The following ADAMTS12 variants were observed in gnomAD, a reference collection of about 807,000 sequenced individuals.
ADAMTS12 encodes the protein A disintegrin and metalloproteinase with thrombospondin motifs 12.
A neutral mutation model predicts 167.8 loss-of-function variants in ADAMTS12; 118 were observed. The ratio of observed to expected loss-of-function variants is 0.70; its 90% CI spans 0.61 to 0.82. The LOEUF is 0.82. ADAMTS12 is among the 40% of genes least tolerant of loss of function. ADAMTS12 has a pLI of 0.00. For synonymous variants in ADAMTS12, 704 were observed against 716.9 expected, an observed-to-expected ratio of 0.98 and a Z score of 0.29; for missense variants, 1,916 against 1,998.8, an observed-to-expected ratio of 0.96 and a Z score of 0.79.
intron 19 of ADAMTS12, among the ~76,000 whole-genome samples, chr5:33,564,016 G>A (rs537229690): frequency 6.6e-6 from 1 of 152,338 alleles, no homozygotes; most frequent in South Asian, 2.1e-4. Flanking sequence ...TACAGTGTTA[G>A]CTCAGCTTTT....
Position 33,885,089 on chromosome 5 carries a change from G to A in ADAMTS12, c.128-3609C>T, listed in dbSNP as rs550385089. 2.6e-3 allele frequency among the ~76,000 whole-genome samples: 393 copies of A among 152,246 alleles called. 1 individual carries two copies. The highest frequency in any genetic ancestry group is 6.6e-3 in the African/African-American group (276 of 41,528). ...AAACAACTATAATAAAATTTAGGTT[G>A]TCATGAAACAGAAACCAACAAGTGT... On this transcript the variant is annotated intron_variant, in intron 1 of 23. Coordinates refer to ENST00000504830, the MANE Select transcript of ADAMTS12 (RefSeq NM_030955.4).
At chr5:33,812,246 G>A (rs1747489020) in intron 2 of ADAMTS12, among the ~76,000 whole-genome samples, 2 of 152,178 alleles carry the variant, frequency 1.3e-5, no homozygotes, top group African/African-American at 4.8e-5. Context: ...CCATAGTGGT[G>A]CAACTGCACT....
chr5:33,601,745 A>G (rs1011940965), intron 16 of ADAMTS12, among the ~76,000 whole-genome samples: 4 of 152,028 alleles, frequency 2.6e-5, no homozygotes, highest in Non-Finnish European at 5.9e-5. Flanking sequence ...TGAAACCTAT[A>G]CCTCTCACAT....
At chr5:33,763,950 G>GGAAT (rs1402613704) in intron 2 of ADAMTS12, among the ~76,000 whole-genome samples, 2 of 152,010 alleles carry the variant, frequency 1.3e-5, no homozygotes, top group Non-Finnish European at 2.9e-5. Flanking sequence ...AGGGAAACAG[G>GGAAT]GAATGCATAC....
At position 33,546,072 on chromosome 5, in the gene ADAMTS12, C is replaced by T. The variant is rs781598316; in HGVS notation, c.4433G>A (p.Gly1478Glu). The T allele has an allele frequency of 1.2e-6, 2 of 1,612,586 alleles. No homozygotes were observed. Among genetic ancestry groups the T allele is most frequent in the East Asian group, 2.2e-5 (1 of 44,864 alleles). ...ACCAAGTCTTACCAGGTCCCAGTTC[C>T]CAGTGGCCCAGTGACAGCACAGGTG... ...NEHLCCHWATGNWDLCSTSCG... is the reference protein window; with the variant it reads ...NEHLCCHWATENWDLCSTSCG... The change falls in exon 22 of 24, where the codon GGG (glycine) becomes GAG (glutamate). Residue 1478 changes from glycine (G) to glutamate (E), a missense_variant. Physicochemically the swap from Gly to Glu is moderately conservative, Grantham distance 98. Coordinates refer to ENST00000504830, the MANE Select transcript of ADAMTS12 (RefSeq NM_030955.4).
chr5:33,875,383 C>T (rs554113482), intron 2 of ADAMTS12, among the ~76,000 whole-genome samples: 2 of 152,158 alleles, frequency 1.3e-5, no homozygotes, highest in South Asian at 2.1e-4. Context: ...TGTACTACTC[C>T]GGTGGGGGAT....
At chr5:33,678,459 G>A (rs997963903) in intron 5 of ADAMTS12, among the ~76,000 whole-genome samples, 1 of 152,182 alleles carries the variant, frequency 6.6e-6, no homozygotes, top group African/African-American at 2.4e-5. Context: ...ATGCTGTGGA[G>A]AAGAAATGTA....
intron 3 of ADAMTS12, among the ~76,000 whole-genome samples, chr5:33,720,385 C>T (rs1260931322): frequency 2.0e-5 from 3 of 151,594 alleles, no homozygotes; most frequent in Admixed American, 2.0e-4. Flanking sequence ...CAAGAATAAG[C>T]ATTCCAAGTT....
intron 19 of ADAMTS12, among the ~76,000 whole-genome samples, chr5:33,567,180 A>C (rs1455602357): frequency 6.6e-6 from 1 of 152,222 alleles, no homozygotes; most frequent in African/African-American, 2.4e-5. Context: ...CATGTCATTC[A>C]TATTTTAATG....
intron 21 of ADAMTS12, among the ~76,000 whole-genome samples, chr5:33,547,633 C>G (rs1362459978): frequency 1.3e-5 from 2 of 152,146 alleles, no homozygotes; most frequent in Non-Finnish European, 2.9e-5. Flanking sequence ...AGAGGGAACT[C>G]TACCAACTTT....
chr5:33,720,014 T>C (rs1288848310), intron 3 of ADAMTS12, among the ~76,000 whole-genome samples: 2 of 152,144 alleles, frequency 1.3e-5, no homozygotes, highest in Non-Finnish European at 2.9e-5. Context: ...ACCTTATACA[T>C]CTGTATCCAC....
At chr5:33,558,159 A>C (rs2111873966) in intron 20 of ADAMTS12, among the ~76,000 whole-genome samples, 1 of 152,252 alleles carries the variant, frequency 6.6e-6, no homozygotes, top group South Asian at 2.1e-4. Context: ...CCATTCCCCC[A>C]GTCCGTGGAA....
intron 14 of ADAMTS12, among the ~76,000 whole-genome samples, chr5:33,616,458 G>A (rs1314613973): frequency 6.6e-6 from 1 of 152,132 alleles, no homozygotes; most frequent in Non-Finnish European, 1.5e-5. Context: ...TATTACATTA[G>A]ACTTCCTGAA....
chr5:33,848,698 C>G (rs572846618), intron 2 of ADAMTS12, among the ~76,000 whole-genome samples: 1 of 152,128 alleles, frequency 6.6e-6, no homozygotes, highest in African/African-American at 2.4e-5. Context: ...AGGGAAAATG[C>G]AAGCAGGCTT....
Position 33,727,035 on chromosome 5 carries a change from C to A in ADAMTS12, c.634+24369G>T, listed in dbSNP as rs150011592. Among the ~76,000 whole-genome samples the A allele has an allele frequency of 2.6e-3, 399 of 152,214 alleles. 4 individuals are homozygous for A. Among genetic ancestry groups the A allele is most frequent in the African/African-American group, 9.1e-3 (376 of 41,536 alleles). On this transcript the variant is annotated intron_variant, in intron 3 of 23. Transcript: ENST00000504830. ...CAAATCTCTAGTCGAGTCAGCTCAC[C>A]GCCTCCAGCAGGCTCTCACAAAGCT...
chr5:33,629,893 T>C lies in ADAMTS12; in HGVS notation c.2022+887A>G, dbSNP rs543982094. ...CTATTCCCAAATAAGCTTCATTTTC[T>C]TTTAGAGAGCTTCTCTCTGTCTGTT... On this transcript the variant is annotated intron_variant, in intron 13 of 23. Coordinates refer to ENST00000504830, the MANE Select transcript of ADAMTS12 (RefSeq NM_030955.4). Among the ~76,000 whole-genome samples, 167 of 152,328 alleles carry C rather than the reference T, an allele frequency of 1.1e-3. 1 individual carries two copies. Among genetic ancestry groups the C allele is most frequent in the African/African-American group, 4.0e-3 (166 of 41,578 alleles).
Position 33,891,866 on chromosome 5 carries a change from G to A in ADAMTS12, c.-10C>T, listed in dbSNP as rs771644712. 21 of 1,609,918 alleles carry A rather than the reference G, an allele frequency of 1.3e-5. No individual in the cohort carries two copies. The South Asian group carries it at 1.9e-4, about 14-fold the overall frequency. On this transcript the variant is annotated 5_prime_UTR_variant, in exon 1 of 24. Coordinates refer to ENST00000504830, the MANE Select transcript of ADAMTS12 (RefSeq NM_030955.4). ...TCTGGGCACATGGCATGATTCAGAT[G>A]TTGAGGAGAAGAAAAGTCAAAAAAG...
chr5:33,717,123 T>C (rs192579047), intron 3 of ADAMTS12, among the ~76,000 whole-genome samples: 4 of 152,094 alleles, frequency 2.6e-5, no homozygotes, highest in African/African-American at 4.8e-5. Context: ...TTGTAGGTTT[T>C]TTTTTTTTTT....
At chr5:33,609,845 G>A (rs1009207578) in intron 16 of ADAMTS12, among the ~76,000 whole-genome samples, 1 of 151,936 alleles carries the variant, frequency 6.6e-6, no homozygotes, top group Admixed American at 6.6e-5. Context: ...AAGATTTATG[G>A]TCCAACAACT....
Sources: allele counts gnomAD v4.1 joint callset (sites outside exome capture counted in the v4.1 genomes callset), GRCh38; gene constraint gnomAD v4.1.1; transcripts MANE v1.5; gene names NCBI Gene and HGNC (gene_info 2026-07-23, HGNC 2026-07-21).